The following RARB variants were observed in gnomAD, a reference collection of about 807,000 sequenced individuals.
The protein encoded by RARB is retinoic acid receptor beta, also known as HBV-activated protein.
RARB carries 17 observed loss-of-function variants against 51.9 expected under a neutral mutation model. The ratio of observed to expected loss-of-function variants is 0.33; its 90% CI spans 0.22 to 0.49. The LOEUF (loss-of-function observed/expected upper bound fraction) is 0.49, where lower values mean the gene tolerates loss of function less well. Among genes scored for constraint, RARB ranks in the 20% least tolerant of loss-of-function variants. The pLI is 0.99. For missense variants in RARB, 369 were observed against 550.8 expected, an observed-to-expected ratio of 0.67 and a Z score of 3.30; for synonymous variants, 215 against 195.4, an observed-to-expected ratio of 1.10 and a Z score of -0.84.
At chr3:25,222,016 C>T (rs1701958698) in intron 5 of RARB, among the ~76,000 whole-genome samples, 1 of 152,200 alleles carries the variant, frequency 6.6e-6, no homozygotes, top group South Asian at 2.1e-4. Flanking sequence ...AGACGGAGCC[C>T]TCCTTTCATG....
At chr3:25,172,097 G>A (rs1223181709) in intron 4 of RARB, among the ~76,000 whole-genome samples, 5 of 152,118 alleles carry the variant, frequency 3.3e-5, no homozygotes, top group African/African-American at 4.8e-5. Flanking sequence ...TAAGTTCAGC[G>A]GAGTACTAGG....
intron 2 of RARB, among the ~76,000 whole-genome samples, chr3:24,918,157 T>A (rs1695145171): frequency 6.6e-6 from 1 of 151,668 alleles, no homozygotes. Context: ...CAAATGTTCA[T>A]CAACTGGTGA....
At chr3:25,434,529 C>CTTTTTTTTT (rs140015265) in intron 1 of RARB, among the ~76,000 whole-genome samples, 1 of 123,034 alleles carries the variant, frequency 8.1e-6, no homozygotes, top group African/African-American at 3.2e-5. Context: ...CTTGGTACTC[C>CTTTTTTTTT]TTTTTTTTTT....
intron 5 of RARB, among the ~76,000 whole-genome samples, chr3:25,236,780 T>A (rs2125393558): frequency 6.6e-6 from 1 of 152,120 alleles, no homozygotes; most frequent in South Asian, 2.1e-4. Flanking sequence ...AGAGTGGAAT[T>A]TCTCCTCATG....
At chr3:25,050,712 T>C (rs1467213709) in intron 2 of RARB, among the ~76,000 whole-genome samples, 1 of 152,206 alleles carries the variant, frequency 6.6e-6, no homozygotes, top group Non-Finnish European at 1.5e-5. Context: ...GAAAAAGATT[T>C]AACTCTTTCA....
Position 25,106,461 on chromosome 3 carries a change from T to TG in RARB, c.-327-25700_-327-25699insG, listed in dbSNP as rs1448559851. ...CAGCTACTGTTTTTTGTTTTTTGTT[T>TG]TTTTTTGTTTTGTTTTTTTTTTGTA... On this transcript the variant is annotated intron_variant, in intron 3 of 11. Transcript: ENST00000383772. 2.4e-4 allele frequency among the ~76,000 whole-genome samples: 30 copies of TG among 125,208 alleles called. 3 individuals are homozygous for TG. Among genetic ancestry groups the TG allele is most frequent in the Non-Finnish European group, 4.0e-4 (24 of 60,310 alleles). The allele number at this position is 125,208 out of a possible 152,430, so 82.1% of individuals were successfully genotyped here. A position where few individuals can be genotyped will look rare whatever the true frequency, so the allele number is the denominator to read the frequency against.
chr3:25,532,424 G>A (rs1698966058), intron 3 of RARB, among the ~76,000 whole-genome samples: 1 of 152,224 alleles, frequency 6.6e-6, no homozygotes, highest in South Asian at 2.1e-4. Flanking sequence ...CGAAAGGAGA[G>A]TGAAGCTGTT....
intron 2 of RARB, among the ~76,000 whole-genome samples, chr3:24,943,669 A>G (rs139557737): frequency 1.1e-3 from 174 of 152,332 alleles, no homozygotes; most frequent in African/African-American, 4.0e-3. Flanking sequence ...AACTATAAGG[A>G]CTACTGATGG....
chr3:25,194,603 G>A (rs1182957173), intron 5 of RARB, among the ~76,000 whole-genome samples: 1 of 150,306 alleles, frequency 6.7e-6, no homozygotes, highest in Non-Finnish European at 1.5e-5. Flanking sequence ...GAAGTAAAAG[G>A]CTGTCATAGG....
chr3:25,200,610 A>C (rs553708467), intron 5 of RARB, among the ~76,000 whole-genome samples: 63 of 152,200 alleles, frequency 4.1e-4, no homozygotes, highest in African/African-American at 1.4e-3. Context: ...TCTTGAATTA[A>C]TTTTTGTACA....
intron 2 of RARB, among the ~76,000 whole-genome samples, chr3:24,949,299 C>A (rs1695839175): frequency 6.6e-6 from 1 of 152,206 alleles, no homozygotes; most frequent in South Asian, 2.1e-4. Flanking sequence ...CTGGTCAGAG[C>A]TGATGTAGAC....
chr3:25,515,591 C>T (rs893448023), intron 3 of RARB, among the ~76,000 whole-genome samples: 8 of 152,140 alleles, frequency 5.3e-5, no homozygotes, highest in African/African-American at 1.9e-4. Context: ...ATGGAATATG[C>T]TTAGTAATAA....
chr3:25,349,632 GCA>G (rs1172784694), intron 5 of RARB, among the ~76,000 whole-genome samples: 1 of 152,046 alleles, frequency 6.6e-6, no homozygotes, highest in Non-Finnish European at 1.5e-5. Flanking sequence ...ACAATCAAAA[GCA>G]CAGACAGCCA....
At chr3:25,464,665 A>C (rs570542739) in intron 2 of RARB, among the ~76,000 whole-genome samples, 124 of 152,196 alleles carry the variant, frequency 8.1e-4, no homozygotes, top group Non-Finnish European at 1.1e-3. Context: ...CTTTAAAAAA[A>C]TTAAATATAA....
chr3:25,503,188 C>A (rs1217785442), intron 3 of RARB, among the ~76,000 whole-genome samples: 1 of 152,212 alleles, frequency 6.6e-6, no homozygotes, highest in Admixed American at 6.5e-5. Flanking sequence ...AGGAAGCTAA[C>A]ATTCAATTGG....
chr3:25,260,664 A>G (rs1305145769), intron 5 of RARB, among the ~76,000 whole-genome samples: 8 of 152,144 alleles, frequency 5.3e-5, no homozygotes, highest in Non-Finnish European at 1.0e-4. Context: ...CTTTTCCTCT[A>G]GTGCTCAGAT....
At chr3:24,902,996 C>A in intron 2 of RARB, among the ~76,000 whole-genome samples, 1 of 151,988 alleles carries the variant, frequency 6.6e-6, no homozygotes, top group Non-Finnish European at 1.5e-5. Flanking sequence ...AAACAAGACG[C>A]CTCTAAGCTG....
intron 5 of RARB, among the ~76,000 whole-genome samples, chr3:25,203,505 T>C (rs1042120210): frequency 1.3e-5 from 2 of 152,224 alleles, no homozygotes; most frequent in Non-Finnish European, 2.9e-5. Context: ...GCTCATTAGT[T>C]GATGCAGTTT....
At chr3:25,483,093 C>T (rs1355881776) in intron 2 of RARB, among the ~76,000 whole-genome samples, 3 of 152,092 alleles carry the variant, frequency 2.0e-5, no homozygotes, top group Non-Finnish European at 4.4e-5. Context: ...CAGAACAGCC[C>T]TGGATCAAAG....
Sources: gnomAD v4.1 joint callset for allele counts (sites outside exome capture counted in the v4.1 genomes callset) on GRCh38, gnomAD v4.1.1 for gene constraint, MANE v1.5 for transcripts, NCBI Gene and HGNC (gene_info 2026-07-23, HGNC 2026-07-21) for gene names.